COG3: variants seen among roughly 807,000 people sequenced by gnomAD.
COG3 encodes conserved oligomeric Golgi complex subunit 3.
In COG3, 32 loss-of-function variants were observed where a neutral mutation model predicts 114.1. The observed-to-expected ratio is 0.28, with a 90% CI of 0.21 to 0.38. COG3 has a LOEUF of 0.38. Ranked by LOEUF, COG3 falls within the 10% of genes least tolerant of loss-of-function variation. The pLI is 1.00. For missense variants in COG3, 813 were observed against 973.2 expected, an observed-to-expected ratio of 0.84 and a Z score of 2.19; for synonymous variants, 352 against 365.7, an observed-to-expected ratio of 0.96 and a Z score of 0.43.
Position 45,491,372 on chromosome 13 carries a change from A to T in COG3, c.969-40A>T, listed in dbSNP as rs373721647. On this transcript the variant is annotated intron_variant, in intron 9 of 22. Coordinates refer to ENST00000349995, the MANE Select transcript of COG3 (RefSeq NM_031431.4). ...ATTTAAGATGAAATTTAGTTTACAT[A>T]TCTGAAATGAAAAGTTTAATCTCAT... is the stretch of plus-strand genomic sequence containing the variant. 3 of 1,583,032 alleles carry T rather than the reference A, an allele frequency of 1.9e-6. No homozygotes were observed. In the African/African-American group the frequency reaches 4.1e-5, roughly 22 times the overall value.
At chr13:45,519,420 G>C (rs1871875112) in intron 19 of COG3, among the ~76,000 whole-genome samples, 1 of 152,172 alleles carries the variant, frequency 6.6e-6, no homozygotes, top group Admixed American at 6.5e-5. Context: ...TCCTGGACCT[G>C]CATGGCAGCA....
Position 45,511,967 on chromosome 13 carries a change from A to G in COG3, c.1809+113A>G, listed in dbSNP as rs954753751. 2.3e-4 allele frequency: 174 copies of G among 770,488 alleles called. No individual in the cohort carries two copies. The highest frequency in any genetic ancestry group is 6.9e-4 in the Middle Eastern group (2 of 2,892). The allele number at this position is 770,488 out of a possible 1,614,324, so 47.7% of individuals were successfully genotyped here. On this transcript the variant is annotated intron_variant, in intron 16 of 22. Coordinates refer to ENST00000349995, the MANE Select transcript of COG3 (RefSeq NM_031431.4). ...GTTTTGGCAGTAGGATTTGTTTAAC[A>G]TGATTGAATTTTGAGGCTCTTTGAG...
At position 45,479,036 on chromosome 13, in the gene COG3, A is replaced by C; in HGVS notation, c.353A>C (p.Gln118Pro). 6.2e-7 allele frequency: 1 copy of C among 1,611,180 alleles called. No homozygotes were observed. Among genetic ancestry groups the C allele is most frequent in the Non-Finnish European group, 8.5e-7 (1 of 1,178,892 alleles). Residue 118 changes from glutamine to proline, a missense_variant, in exon 3 of 23, where the codon CAG becomes CCG. By Grantham distance (76) the Gln-to-Pro change is moderately conservative. This residue lies in a region of COG3 where 424 missense variants were observed against 430.6 expected (regional missense o/e 0.98). Coordinates refer to ENST00000349995, the MANE Select transcript of COG3 (RefSeq NM_031431.4). ...TCATGGTTTGCAAAGCTGCAAACTC[A>C]GATGGATCAAGATGAAGGAACTAAA... ...FFSWFAKLQT[Q>P]MDQDEGTKYR...
chr13:45,500,094 GTATATATATATATATATA>G (rs3083326), intron 13 of COG3, among the ~76,000 whole-genome samples: 113 of 114,888 alleles, frequency 9.8e-4, no homozygotes, highest in East Asian at 3.8e-3. Flanking sequence ...GTGTGTGTGT[GTATATATATATATATATA>G]TATAAAAAAG....
chr13:45,465,198 G>A lies in COG3; in HGVS notation c.162G>A (p.Pro54=), dbSNP rs1173139117. ...TGAAGGCGGCGGCAGAGAACTTGCC[G>A]GTGCCAGCTGAGGTGAGGTGATGGG... ...LELKAAAENL[P]VPAELPIEDL... is the part of the protein sequence containing the mutation. The change falls in exon 1 of 23, where the codon CCG becomes CCA. Residue 54 remains proline, a synonymous_variant. Transcript: ENST00000349995. 6.2e-7 allele frequency: 1 copy of A among 1,613,516 alleles called. No homozygotes were observed. Among genetic ancestry groups the A allele is most frequent in the African/African-American group, 1.3e-5 (1 of 75,064 alleles).
chr13:45,479,231 G>A (rs1401392583), intron 3 of COG3, among the ~76,000 whole-genome samples, 165 bp downstream of exon 3: 1 of 152,184 alleles, frequency 6.6e-6, no homozygotes, highest in Non-Finnish European at 1.5e-5. Context: ...CTTTAAAACT[G>A]TTATTTAGAA....
chr13:45,479,120 C>T (rs547297297), intron 3 of COG3, 54 bp downstream of exon 3: 2 of 1,251,442 alleles, frequency 1.6e-6, no homozygotes, highest in Admixed American at 2.0e-5. Flanking sequence ...TCACAGTCAT[C>T]TGAAGCATTT....
At chr13:45,502,915 G>T (rs1387179489) in intron 13 of COG3, among the ~76,000 whole-genome samples, 1 of 152,000 alleles carries the variant, frequency 6.6e-6, no homozygotes, top group Non-Finnish European at 1.5e-5. Flanking sequence ...AAATTAGTGG[G>T]ATTTTCATTA....
intron 2 of COG3, among the ~76,000 whole-genome samples, chr13:45,478,728 A>G (rs1886066443): frequency 1.3e-5 from 2 of 152,152 alleles, no homozygotes; most frequent in African/African-American, 2.4e-5. Context: ...ACCTCAGGTG[A>G]TCCGCCCACC....
Position 45,519,026 on chromosome 13 carries a change from G to A in COG3, c.2086G>A (p.Ala696Thr). ...AGACGTAGACCGTCATCTGAAATCG[G>A]CCTGTGAGCAGTTTATTCAGCAGCA... ...KKDVDRHLKS[A>T]CEQFIQQQTK... Residue 696 changes from alanine (A) to threonine (T), a missense_variant, in exon 19 of 23, where the codon GCC (alanine) becomes ACC (threonine). Around this residue, in one of 2 missense-constraint regions of COG3, gnomAD observed 389 missense variants for 542.6 expected, o/e 0.72. Transcript: ENST00000349995. The A allele has an allele frequency of 6.2e-7, 1 of 1,614,160 alleles. No individual in the cohort carries two copies.
At chr13:45,500,950 G>A (rs1268761432) in intron 13 of COG3, among the ~76,000 whole-genome samples, 1 of 152,170 alleles carries the variant, frequency 6.6e-6, no homozygotes, top group Non-Finnish European at 1.5e-5. Context: ...GTTGGAATTC[G>A]TCTGATGTTA....
intron 9 of COG3, 38 bp downstream of exon 9, chr13:45,490,996 C>CCA: frequency 7.2e-7 from 1 of 1,394,384 alleles, no homozygotes. Flanking sequence ...CCACATGAAC[C>CCA]TTTGTCTTGT....
chr13:45,481,466 A>G lies in COG3; in HGVS notation c.624+162A>G, dbSNP rs190872211. 2.0e-4 allele frequency among the ~76,000 whole-genome samples: 30 copies of G among 152,300 alleles called. 1 individual carries two copies. Among genetic ancestry groups the G allele is most frequent in the Non-Finnish European group, 3.8e-4 (26 of 68,006 alleles). Reference sequence around the variant, plus strand: ...TGTAGACAGTGGAGATACCATTACCAGTTCAGATTTTTAAATATTTGAGTT... The same window carrying G: ...TGTAGACAGTGGAGATACCATTACCGGTTCAGATTTTTAAATATTTGAGTT... On this transcript the variant is annotated intron_variant, in intron 5 of 22. Transcript: ENST00000349995.
At chr13:45,470,228 A>G (rs1413057485) in intron 1 of COG3, among the ~76,000 whole-genome samples, 1 of 152,236 alleles carries the variant, frequency 6.6e-6, no homozygotes, top group Non-Finnish European at 1.5e-5. Context: ...TGCATAGACC[A>G]TCTTAGAAAA....
Position 45,503,357 on chromosome 13 carries a change from A to T in COG3, c.1594+8A>T. On this transcript the variant is annotated splice_region_variant and intron_variant, in intron 14 of 22. Coordinates refer to ENST00000349995, the MANE Select transcript of COG3 (RefSeq NM_031431.4). ...ACAGTCTGACAAAATCTGGTATGTT[A>T]TGATGTCTTAACTGCCAGCATTTAT... 7.3e-7 allele frequency: 1 copy of T among 1,364,584 alleles called. No individual in the cohort carries two copies. Among genetic ancestry groups the T allele is most frequent in the Non-Finnish European group, 1.0e-6 (1 of 952,952 alleles). The allele number at this position is 1,364,584 out of a possible 1,614,324, so 84.5% of individuals were successfully genotyped here. A position where few individuals can be genotyped will look rare whatever the true frequency, so the allele number is the denominator to read the frequency against.
chr13:45,500,178 T>TA (rs1869375275), intron 13 of COG3, among the ~76,000 whole-genome samples: 1 of 151,640 alleles, frequency 6.6e-6, no homozygotes, highest in Non-Finnish European at 1.5e-5. Context: ...CTGGTGAATT[T>TA]AAAAAATGTC....
At chr13:45,511,982 G>A in intron 16 of COG3, 128 bp downstream of exon 16, 1 of 686,960 alleles carries the variant, frequency 1.5e-6, no homozygotes, top group South Asian at 1.7e-5. Context: ...TGAATTTTGA[G>A]GCTCTTTGAG....
At chr13:45,525,405 G>A (rs1172100736) in intron 20 of COG3, among the ~76,000 whole-genome samples, 1 of 152,052 alleles carries the variant, frequency 6.6e-6, no homozygotes, top group African/African-American at 2.4e-5. Flanking sequence ...TATGGCGAGT[G>A]TACCCACTTT....
chr13:45,484,990 A>G (rs1255402699), intron 7 of COG3, among the ~76,000 whole-genome samples: 3 of 141,022 alleles, frequency 2.1e-5, no homozygotes, highest in Non-Finnish European at 4.7e-5. Context: ...AAAGTCTCCC[A>G]TGTCTACTTC....
Sources: allele counts gnomAD v4.1 joint callset (sites outside exome capture counted in the v4.1 genomes callset), GRCh38; gene constraint gnomAD v4.1.1; regional missense constraint gnomAD v4.1.1; transcripts MANE v1.5; gene names NCBI Gene and HGNC (gene_info 2026-07-23, HGNC 2026-07-21).